Variants in KCNH5 observed in about 807,000 individuals in gnomAD.
KCNH5 encodes voltage-gated delayed rectifier potassium channel KCNH5.
KCNH5 carries 46 observed loss-of-function variants against 96.1 expected under a neutral mutation model. That is an observed-to-expected ratio of 0.48 (90% CI 0.38 to 0.61). The LOEUF is 0.61. KCNH5 is among the 20% of genes least tolerant of loss of function. KCNH5 has a pLI of 0.00. For missense variants in KCNH5, 907 were observed against 1,225.8 expected, an observed-to-expected ratio of 0.74 and a Z score of 3.88; for synonymous variants, 439 against 449.8, an observed-to-expected ratio of 0.98 and a Z score of 0.30.
intron 6 of KCNH5, among the ~76,000 whole-genome samples, chr14:62,950,806 A>G (rs1889990533): frequency 1.3e-5 from 2 of 152,228 alleles, no homozygotes; most frequent in South Asian, 2.1e-4. Context: ...ATTAGCTAAG[A>G]AATTCCCAAT....
At chr14:63,003,810 C>T (rs4635259) in intron 3 of KCNH5, among the ~76,000 whole-genome samples, 29,867 of 149,546 alleles carry the variant, frequency 0.2, 3,521 homozygotes, top group East Asian at 0.37. Context: ...TTAGTAGAGA[C>T]GGGGTTTCAC....
At chr14:62,753,436 A>G (rs925200091) in intron 10 of KCNH5, among the ~76,000 whole-genome samples, 12 of 152,228 alleles carry the variant, frequency 7.9e-5, no homozygotes, top group Admixed American at 6.5e-5. Flanking sequence ...TAAAGGGATA[A>G]TAACAGAGAA....
At position 63,001,441 on chromosome 14, in the gene KCNH5, T is replaced by C. The variant is rs1464940813; in HGVS notation, c.323A>G (p.Tyr108Cys). 6.2e-7 allele frequency: 1 copy of C among 1,611,552 alleles called. No individual in the cohort carries two copies. Among genetic ancestry groups the C allele is most frequent in the Non-Finnish European group, 8.5e-7 (1 of 1,179,046 alleles). Residue 108 changes from tyrosine (Y) to cysteine (C), a missense_variant, in exon 4 of 11, where the codon TAT becomes TGT. Tyr to Cys is a radical substitution (Grantham distance 194). Transcript: ENST00000322893. ...YKKNRTPVWF[Y>C]MQIAPIRNEH... ...ATTTCTTATTGGTGCAATTTGCATA[T>C]AAAACCAAACAGGGGTTCCTGTAAC...
At chr14:62,999,283 C>T (rs530771459) in intron 4 of KCNH5, among the ~76,000 whole-genome samples, 1 of 152,188 alleles carries the variant, frequency 6.6e-6, no homozygotes, top group Non-Finnish European at 1.5e-5. Context: ...TCTCTGATGG[C>T]CAATGATGAT....
At chr14:63,039,075 C>T (rs576114718) in intron 1 of KCNH5, among the ~76,000 whole-genome samples, 127 of 152,200 alleles carry the variant, frequency 8.3e-4, no homozygotes, top group African/African-American at 2.6e-3. Flanking sequence ...ATTCACAACA[C>T]GTCTCTTGTA....
chr14:62,894,839 T>G (rs998630206), intron 7 of KCNH5, among the ~76,000 whole-genome samples: 1 of 152,194 alleles, frequency 6.6e-6, no homozygotes, highest in Non-Finnish European at 1.5e-5. Context: ...CTCAATAAAC[T>G]TTTCAGATAT....
intron 7 of KCNH5, among the ~76,000 whole-genome samples, chr14:62,857,915 T>C (rs531192818): frequency 6.6e-6 from 1 of 152,256 alleles, no homozygotes; most frequent in African/African-American, 2.4e-5. Context: ...CCTGAGATCA[T>C]AATCTTCAAA....
intron 8 of KCNH5, among the ~76,000 whole-genome samples, chr14:62,835,148 C>A (rs1184949110): frequency 6.6e-6 from 1 of 151,968 alleles, no homozygotes; most frequent in Non-Finnish European, 1.5e-5. Flanking sequence ...CTCGAAAGCT[C>A]AATACAACCA....
chr14:62,704,578 C>T lies in KCNH5; in HGVS notation c.*2930G>A, dbSNP rs973931362. The T allele has an allele frequency of 6.6e-6, 1 of 152,006 alleles. No homozygotes were observed. 9.4% of individuals were successfully genotyped at this position (152,006 alleles called of 1,614,324 possible). On this transcript the variant is annotated 3_prime_UTR_variant, in exon 11 of 11. Coordinates refer to ENST00000322893, the MANE Select transcript of KCNH5 (RefSeq NM_139318.5). ...CAACCACCTGTCGAGGATACAGCAT[C>T]TGATCTTACCTATTAATAACATCAT... is the stretch of plus-strand genomic sequence containing the variant.
chr14:62,805,707 A>G (rs1886752561), intron 8 of KCNH5, among the ~76,000 whole-genome samples: 1 of 152,168 alleles, frequency 6.6e-6, no homozygotes, highest in Non-Finnish European at 1.5e-5. Flanking sequence ...TAGGTTTCCT[A>G]ATGAGGATTT....
Position 62,936,695 on chromosome 14 carries a change from A to G in KCNH5, c.1369+13438T>C, listed in dbSNP as rs1285613127. Among the ~76,000 whole-genome samples the G allele has an allele frequency of 7.7e-5, 10 of 129,526 alleles. No homozygotes were observed. In the South Asian group the frequency reaches 2.2e-3, roughly 29 times the overall value. 85.0% of individuals were successfully genotyped at this position (129,526 alleles called of 152,430 possible). ...GCCTCAAAAAAAAAAAAAAAAAAAA[A>G]GGCCAGGCACGGTGGCTCACACCTG... On this transcript the variant is annotated intron_variant, in intron 7 of 10. Coordinates refer to ENST00000322893, the MANE Select transcript of KCNH5 (RefSeq NM_139318.5).
At chr14:62,845,436 T>C (rs1246111794) in intron 8 of KCNH5, among the ~76,000 whole-genome samples, 1 of 151,930 alleles carries the variant, frequency 6.6e-6, no homozygotes, top group Non-Finnish European at 1.5e-5. Context: ...ATGATTGATA[T>C]AAACATAAAT....
chr14:62,986,645 C>G (rs986788955), intron 5 of KCNH5, among the ~76,000 whole-genome samples: 5 of 152,158 alleles, frequency 3.3e-5, no homozygotes, highest in Non-Finnish European at 5.9e-5. Flanking sequence ...CCCACAGCAC[C>G]CTGTCATTGC....
At chr14:62,977,271 G>C (rs1890519533) in intron 6 of KCNH5, among the ~76,000 whole-genome samples, 2 of 152,056 alleles carry the variant, frequency 1.3e-5, no homozygotes, top group South Asian at 4.2e-4. Context: ...GGAAGTTGAG[G>C]CAGGAGAATC....
At chr14:62,857,667 T>A (rs1375608301) in intron 7 of KCNH5, among the ~76,000 whole-genome samples, 1 of 152,198 alleles carries the variant, frequency 6.6e-6, no homozygotes, top group African/African-American at 2.4e-5. Context: ...CTAATCTTTT[T>A]ATGTTTTTCT....
intron 10 of KCNH5, among the ~76,000 whole-genome samples, chr14:62,762,967 G>A (rs183960851): frequency 6.6e-6 from 1 of 152,112 alleles, no homozygotes; most frequent in East Asian, 1.9e-4. Context: ...CCCCACTGAT[G>A]GTATTAGACA....
intron 1 of KCNH5, among the ~76,000 whole-genome samples, chr14:63,030,551 T>C (rs11847309): frequency 0.011 from 1,611 of 152,218 alleles, 22 homozygotes; most frequent in African/African-American, 0.037. Context: ...GACTGCACAG[T>C]TGAGTGGAGT....
chr14:62,815,363 G>C (rs925535970), intron 8 of KCNH5, among the ~76,000 whole-genome samples: 46 of 152,088 alleles, frequency 3.0e-4, no homozygotes, highest in African/African-American at 1.0e-3. Context: ...GGCTACACAT[G>C]TGTCCACTTT....
intron 7 of KCNH5, among the ~76,000 whole-genome samples, chr14:62,884,808 G>T (rs1888564164): frequency 1.3e-5 from 2 of 152,166 alleles, no homozygotes; most frequent in South Asian, 4.1e-4. Flanking sequence ...AAACATTTCA[G>T]TTTGAATTAG....
Sources: allele counts gnomAD v4.1 joint callset (sites outside exome capture counted in the v4.1 genomes callset), GRCh38; gene constraint gnomAD v4.1.1; transcripts MANE v1.5; gene names NCBI Gene and HGNC (gene_info 2026-07-23, HGNC 2026-07-21).